Variants in NBEAL1 observed in about 807,000 individuals in gnomAD.
The protein encoded by NBEAL1 is neurobeachin like 1.
NBEAL1 carries 273 observed loss-of-function variants against 351.3 expected under a neutral mutation model. The observed-to-expected ratio is 0.78, with a 90% CI of 0.70 to 0.86. The LOEUF (loss-of-function observed/expected upper bound fraction) is 0.86, where lower values mean the gene tolerates loss of function less well. NBEAL1 is among the 40% of genes least tolerant of loss of function. The pLI, the probability that NBEAL1 is intolerant of heterozygous loss-of-function variation, is 0.00. For missense variants in NBEAL1, 2,961 were observed against 3,201.3 expected (o/e 0.92, Z 1.81); for synonymous variants, 1,050 against 1,086.4 (o/e 0.97, Z 0.66).
chr2:203,209,025 G>T (rs1027446525), intron 52 of NBEAL1, 136 bp from the exon 53 acceptor site: 2 of 688,628 alleles, frequency 2.9e-6, no homozygotes, highest in Non-Finnish European at 4.7e-6. Context: ...TTTTCCTAAG[G>T]TGCATGTATC....
At chr2:203,137,557 C>A (rs1026659683) in intron 29 of NBEAL1, among the ~76,000 whole-genome samples, 1 of 152,188 alleles carries the variant, frequency 6.6e-6, no homozygotes, top group African/African-American at 2.4e-5. Flanking sequence ...TTAAGTATCT[C>A]ATGAAGGATG....
chr2:203,123,648 T>C (rs568553413), intron 19 of NBEAL1, among the ~76,000 whole-genome samples: 37 of 152,320 alleles, frequency 2.4e-4, no homozygotes, highest in African/African-American at 8.7e-4. Flanking sequence ...CACTTTTTTT[T>C]ATCTGTTACC....
intron 51 of NBEAL1, among the ~76,000 whole-genome samples, chr2:203,206,735 G>C (rs558574820): frequency 6.6e-6 from 1 of 152,016 alleles, no homozygotes; most frequent in African/African-American, 2.4e-5. Flanking sequence ...ATGGTGCCCA[G>C]GCTGGAGTGC....
intron 10 of NBEAL1, among the ~76,000 whole-genome samples, chr2:203,089,535 C>T (rs1413213298): frequency 6.6e-6 from 1 of 152,102 alleles, no homozygotes; most frequent in Admixed American, 6.6e-5. Context: ...GGCCATCTAG[C>T]GATCACCAAC....
intron 42 of NBEAL1, 85 bp downstream of exon 42, chr2:203,175,372 T>C: frequency 7.4e-7 from 1 of 1,359,636 alleles, no homozygotes; most frequent in Non-Finnish European, 1.0e-6. Flanking sequence ...CTGTGTAACA[T>C]GTCTTTTTTA....
chr2:203,067,196 G>T (rs887639088), intron 6 of NBEAL1, among the ~76,000 whole-genome samples: 1 of 152,204 alleles, frequency 6.6e-6, no homozygotes, highest in South Asian at 2.1e-4. Context: ...AGTGAATTTT[G>T]TACTGTTACA....
chr2:203,115,293 T>C (rs2062666640), intron 17 of NBEAL1, among the ~76,000 whole-genome samples: 1 of 151,456 alleles, frequency 6.6e-6, no homozygotes. Context: ...GCTAATTTTT[T>C]AGTATTTTTA....
At chr2:203,169,669 A>G (rs1013011989) in intron 38 of NBEAL1, 78 bp from the exon 39 acceptor site, 9 of 686,312 alleles carry the variant, frequency 1.3e-5, no homozygotes, top group Admixed American at 1.1e-4. Flanking sequence ...TTGTCTCTCA[A>G]TACAGCTATT....
chr2:203,115,854 A>G, intron 17 of NBEAL1, 131 bp from the exon 18 acceptor site: 1 of 560,590 alleles, frequency 1.8e-6, no homozygotes, highest in Non-Finnish European at 3.1e-6. Context: ...AGTAAATTTT[A>G]GCTTAATGAG....
intron 49 of NBEAL1, among the ~76,000 whole-genome samples, chr2:203,200,158 A>C (rs569083393): frequency 6.6e-6 from 1 of 152,188 alleles, no homozygotes; most frequent in South Asian, 2.1e-4. Context: ...CAGGCGGACC[A>C]CCTGAGGTCA....
At chr2:203,061,243 T>A (rs2061494348) in intron 6 of NBEAL1, 1 of 152,204 alleles carries the variant, frequency 6.6e-6, no homozygotes, top group African/African-American at 2.4e-5. Context: ...TTTACATTCA[T>A]TTTTCCCCCA....
intron 35 of NBEAL1, among the ~76,000 whole-genome samples, chr2:203,151,873 T>C (rs2063662774): frequency 6.6e-6 from 1 of 152,132 alleles, no homozygotes; most frequent in African/African-American, 2.4e-5. Context: ...AATGAAACAA[T>C]GTTCTTTTCT....
At chr2:203,117,351 T>C (rs1455934794) in intron 18 of NBEAL1, among the ~76,000 whole-genome samples, 2 of 151,872 alleles carry the variant, frequency 1.3e-5, no homozygotes, top group Non-Finnish European at 1.5e-5. Flanking sequence ...TAGTCCCAGC[T>C]ACTCTGGAGG....
intron 18 of NBEAL1, among the ~76,000 whole-genome samples, chr2:203,118,630 C>G (rs1048918479): frequency 6.7e-6 from 1 of 149,202 alleles, no homozygotes; most frequent in African/African-American, 2.5e-5. Flanking sequence ...CTCGCTCTCT[C>G]ACCCAGGCTG....
chr2:203,213,304 CA>C (rs946895561), intron 54 of NBEAL1, among the ~76,000 whole-genome samples: 2 of 151,876 alleles, frequency 1.3e-5, no homozygotes, highest in Admixed American at 1.3e-4. Flanking sequence ...AAATAGATGT[CA>C]AAAATAGAGA....
chr2:203,144,300 G>A (rs1216789656), intron 31 of NBEAL1, among the ~76,000 whole-genome samples: 1 of 151,110 alleles, frequency 6.6e-6, no homozygotes, highest in Non-Finnish European at 1.5e-5. Context: ...ACATCATCTA[G>A]TCCTCTTCAT....
Position 203,125,460 on chromosome 2 carries a change from C to G in NBEAL1, c.2791C>G (p.Pro931Ala). The part of the protein sequence containing the change: ...IPEEKNESTV[P>A]ESVTPVEGDW... ...TGAAGAAAAGAATGAAAGCACAGTTCCTGAATCAGTAACACCTGTTGAAGG... is the reference window on the plus strand; with the variant it reads ...TGAAGAAAAGAATGAAAGCACAGTTGCTGAATCAGTAACACCTGTTGAAGG... Residue 931 changes from proline to alanine, a missense_variant, in exon 20 of 56, where the codon CCT (proline) becomes GCT (alanine). By Grantham distance (27) the Pro-to-Ala change is conservative. Coordinates refer to ENST00000683969, the MANE Select transcript of NBEAL1 (RefSeq NM_001378026.1). The G allele has an allele frequency of 1.3e-6, 2 of 1,546,130 alleles. No individual in the cohort carries two copies. Among genetic ancestry groups the G allele is most frequent in the Non-Finnish European group, 1.7e-6 (2 of 1,144,630 alleles).
chr2:203,108,262 CTG>C (rs2062481271), intron 14 of NBEAL1, 74 bp downstream of exon 14: 1 of 1,194,516 alleles, frequency 8.4e-7, no homozygotes, highest in Non-Finnish European at 1.2e-6. Flanking sequence ...AACAGGAAAA[CTG>C]TTTCCAAGCA....
Position 203,155,432 on chromosome 2 carries a change from T to TTTTG in NBEAL1, c.5588-2251_5588-2248dup, listed in dbSNP as rs373864047. The stretch of plus-strand genomic sequence containing the variant: ...TTTCTTTCCTTCTTTCTTTTCCTTT[T>TTTTG]TTTGTTTGTTTGTTTGTTTTGTGAG... On this transcript the variant is annotated intron_variant, in intron 35 of 55. Transcript: ENST00000683969. 2.0e-5 allele frequency among the ~76,000 whole-genome samples: 3 copies of TTTTG among 151,880 alleles called. No homozygotes were observed. In the East Asian group the frequency reaches 5.8e-4, roughly 29 times the overall value.
Sources: allele counts gnomAD v4.1 joint callset (sites outside exome capture counted in the v4.1 genomes callset), GRCh38; gene constraint gnomAD v4.1.1; transcripts MANE v1.5; gene names NCBI Gene and HGNC (gene_info 2026-07-23, HGNC 2026-07-21).